PDE11A: variants seen among roughly 807,000 people sequenced by gnomAD.
The protein encoded by PDE11A is dual 3',5'-cyclic-AMP and -GMP phosphodiesterase 11A.
PDE11A carries 100 observed loss-of-function variants against 100.5 expected under a neutral mutation model. The ratio of observed to expected loss-of-function variants is 1.00; its 90% CI spans 0.85 to 1.18. PDE11A has a LOEUF of 1.18. PDE11A is among the 50% of genes most tolerant of loss of function. PDE11A has a pLI of 0.00. For synonymous variants in PDE11A, 381 were observed against 420.8 expected (o/e 0.91, Z 1.16); for missense variants, 1,141 against 1,152.6 (o/e 0.99, Z 0.15).
At chr2:177,834,621 A>T (rs1366209120) in intron 6 of PDE11A, among the ~76,000 whole-genome samples, 5 of 152,146 alleles carry the variant, frequency 3.3e-5, no homozygotes, top group Non-Finnish European at 7.3e-5. Context: ...GCACCCACGC[A>T]GTCTTCCCTT....
intron 5 of PDE11A, among the ~76,000 whole-genome samples, chr2:177,853,495 G>T (rs2083752051): frequency 6.6e-6 from 1 of 150,910 alleles, no homozygotes. Flanking sequence ...TGTGCCAGCT[G>T]GCAAAACTGC....
At chr2:177,782,872 C>T (rs1170524446) in intron 9 of PDE11A, among the ~76,000 whole-genome samples, 1 of 151,404 alleles carries the variant, frequency 6.6e-6, no homozygotes, top group African/African-American at 2.4e-5. Flanking sequence ...CTTTCTCTAT[C>T]TCTCCCCTCT....
chr2:177,948,879 C>T (rs2085474678), intron 2 of PDE11A, among the ~76,000 whole-genome samples: 1 of 152,020 alleles, frequency 6.6e-6, no homozygotes, highest in Non-Finnish European at 1.5e-5. Flanking sequence ...CATTGCATTC[C>T]AGCCTGGGTG....
intron 9 of PDE11A, among the ~76,000 whole-genome samples, chr2:177,794,345 G>C (rs912023166): frequency 6.6e-6 from 1 of 152,188 alleles, no homozygotes; most frequent in Non-Finnish European, 1.5e-5. Context: ...AAAGCAAAGA[G>C]GCCAGTGGGA....
At chr2:177,694,482 T>A (rs2081082213) in intron 15 of PDE11A, among the ~76,000 whole-genome samples, 1 of 152,050 alleles carries the variant, frequency 6.6e-6, no homozygotes, top group Non-Finnish European at 1.5e-5. Context: ...CCACAAAACA[T>A]GCAAAATAAA....
At chr2:177,660,079 CTTTCTTTCTTTCTT>C (rs1257587816) in intron 19 of PDE11A, among the ~76,000 whole-genome samples, 3 of 35,546 alleles carry the variant, frequency 8.4e-5, no homozygotes, top group African/African-American at 2.7e-4. Flanking sequence ...TTCTTTCTTT[CTTTCTTTCTTTCTT>C]TCTTTCTCTC....
At chr2:178,001,348 C>T (rs561233773) in intron 2 of PDE11A, among the ~76,000 whole-genome samples, 24 of 150,068 alleles carry the variant, frequency 1.6e-4, no homozygotes, top group Non-Finnish European at 2.7e-4. Flanking sequence ...CAGACAGTTG[C>T]CCTAGTGAGA....
intron 5 of PDE11A, among the ~76,000 whole-genome samples, chr2:177,842,179 A>G (rs759126450): frequency 3.9e-5 from 6 of 152,206 alleles, no homozygotes; most frequent in Non-Finnish European, 7.3e-5. Context: ...CACCGTTTCG[A>G]AGCTGCTGAC....
At chr2:178,030,520 A>C (rs1390851011) in intron 1 of PDE11A, among the ~76,000 whole-genome samples, 1 of 152,034 alleles carries the variant, frequency 6.6e-6, no homozygotes. Context: ...AAAAAGAAAG[A>C]CCATTCTCCC....
chr2:177,935,651 T>C (rs965179666), intron 2 of PDE11A, among the ~76,000 whole-genome samples: 1 of 152,002 alleles, frequency 6.6e-6, no homozygotes, highest in Admixed American at 6.6e-5. Context: ...CCTGAGATCC[T>C]TGGGGGAAGG....
chr2:177,829,600 C>T (rs1454751254), intron 6 of PDE11A, among the ~76,000 whole-genome samples: 14 of 144,444 alleles, frequency 9.7e-5, no homozygotes, highest in Admixed American at 6.2e-4. Flanking sequence ...TGTGCCACCA[C>T]TCCTGGCTAA....
At chr2:178,105,302 A>G (rs183573114) in intron 1 of PDE11A, among the ~76,000 whole-genome samples, 145 of 152,278 alleles carry the variant, frequency 9.5e-4, no homozygotes, top group Admixed American at 6.3e-3. Context: ...TCTACTAAAA[A>G]TACAAAAATT....
At chr2:177,654,854 G>T (rs187887420) in intron 19 of PDE11A, among the ~76,000 whole-genome samples, 61 of 151,918 alleles carry the variant, frequency 4.0e-4, no homozygotes, top group Non-Finnish European at 7.1e-4. Context: ...CACCCTTCCT[G>T]CTTCTTTCCT....
intron 10 of PDE11A, among the ~76,000 whole-genome samples, chr2:177,750,720 T>C (rs756371508): frequency 6.6e-6 from 1 of 152,222 alleles, no homozygotes; most frequent in Non-Finnish European, 1.5e-5. Context: ...GTATAAAGTA[T>C]CAGAAATTGT....
At chr2:178,107,876 T>C (rs890311352) in intron 1 of PDE11A, among the ~76,000 whole-genome samples, 1 of 152,000 alleles carries the variant, frequency 6.6e-6, no homozygotes, top group Non-Finnish European at 1.5e-5. Context: ...CATGCACCAC[T>C]ATGCCTGGAT....
exon 2 of PDE11A, chr2:178,104,434 G>A: frequency 1.2e-6 from 2 of 1,613,998 alleles, no homozygotes; most frequent in Non-Finnish European, 8.5e-7. Context: ...GCACATTTCT[G>A]AATAAAGGTC....
At chr2:177,858,344 C>T (rs1046911588) in intron 5 of PDE11A, among the ~76,000 whole-genome samples, 10 of 151,816 alleles carry the variant, frequency 6.6e-5, no homozygotes, top group African/African-American at 2.2e-4. Flanking sequence ...TTGCAATCTA[C>T]TCATCTGACA....
chr2:177,631,952 G>A (rs2079956860), intron 19 of PDE11A, among the ~76,000 whole-genome samples: 1 of 152,038 alleles, frequency 6.6e-6, no homozygotes, highest in South Asian at 2.1e-4. Flanking sequence ...CACATGTTAG[G>A]ATCATAAATG....
At chr2:177,861,240 C>T (rs1249419301) in intron 5 of PDE11A, among the ~76,000 whole-genome samples, 1 of 151,646 alleles carries the variant, frequency 6.6e-6, no homozygotes. Context: ...AACAAGGTTA[C>T]AGGACATAAG....
Sources: gnomAD v4.1 joint callset for allele counts (sites outside exome capture counted in the v4.1 genomes callset) on GRCh38, gnomAD v4.1.1 for gene constraint, MANE v1.5 for transcripts, NCBI Gene and HGNC (gene_info 2026-07-23, HGNC 2026-07-21) for gene names.